TRIM31: variants seen among roughly 807,000 people sequenced by gnomAD.
TRIM31 encodes E3 ubiquitin-protein ligase TRIM31.
TRIM31 carries 31 observed loss-of-function variants against 40.6 expected under a neutral mutation model. The ratio of observed to expected loss-of-function variants is 0.76; its 90% CI spans 0.57 to 1.03. The LOEUF is 1.03. Among genes scored for constraint, TRIM31 ranks in the 50% least tolerant of loss-of-function variants. The pLI is 0.00. For synonymous variants in TRIM31, 164 were observed against 193.9 expected (o/e 0.85, Z 1.28); for missense variants, 455 against 497.5 (o/e 0.91, Z 0.81).
chr6:30,109,807 C>T (rs10947053), intron 4 of TRIM31, among the ~76,000 whole-genome samples: 44,133 of 151,694 alleles, frequency 0.29, 6,613 homozygotes, highest in Admixed American at 0.32. Flanking sequence ...AGTTGTAGTG[C>T]GCCAAAATCG....
Position 30,113,005 on chromosome 6 carries a change from C to T in TRIM31, c.-84+59G>A, listed in dbSNP as rs568839984. Reference sequence around the variant, plus strand: ...AAAAAATAAAGAAATGATAGAAAAGCGTAAAATTTAGGATCTAGAAAATAT... The same window carrying T: ...AAAAAATAAAGAAATGATAGAAAAGTGTAAAATTTAGGATCTAGAAAATAT... On this transcript the variant is annotated intron_variant, in intron 1 of 8. Coordinates refer to ENST00000376734, the MANE Select transcript of TRIM31 (RefSeq NM_007028.5). 2.3e-5 allele frequency: 12 copies of T among 531,486 alleles called. No homozygotes were observed. In the East Asian group the frequency reaches 2.8e-4, roughly 12 times the overall value. The allele number at this position is 531,486 out of a possible 1,614,324, so 32.9% of individuals were successfully genotyped here.
intron 6 of TRIM31, among the ~76,000 whole-genome samples, chr6:30,106,359 A>G (rs1186980680): frequency 2.0e-5 from 3 of 152,144 alleles, no homozygotes; most frequent in Non-Finnish European, 4.4e-5. Context: ...ACTGCCTGGG[A>G]GCACTTCACC....
intron 5 of TRIM31, 101 bp downstream of exon 5, chr6:30,108,925 G>A: frequency 8.0e-7 from 1 of 1,247,670 alleles, no homozygotes; most frequent in Non-Finnish European, 1.2e-6. Context: ...GAGGTGGGTG[G>A]GTATTTCTGA....
At chr6:30,108,901 T>C (rs531710512) in intron 5 of TRIM31, 125 bp downstream of exon 5, 130 of 1,037,782 alleles carry the variant, frequency 1.3e-4, no homozygotes, top group Middle Eastern at 2.0e-4. Context: ...CCTAAATGTA[T>C]GAATGCAGAG....
chr6:30,108,238 A>T (rs1222805634), intron 5 of TRIM31, 70 bp from the exon 6 acceptor site: 2 of 1,172,486 alleles, frequency 1.7e-6, no homozygotes, highest in Admixed American at 1.8e-5. Context: ...GATCTGAGAT[A>T]CGCGGTTGAG....
chr6:30,104,251 T>C, intron 7 of TRIM31, 84 bp from the exon 8 acceptor site: 1 of 1,375,132 alleles, frequency 7.3e-7, no homozygotes, highest in Non-Finnish European at 1.0e-6. Context: ...CCTGCCATCA[T>C]CAATCAGAAC....
At chr6:30,106,067 A>C (rs2127382637) in intron 6 of TRIM31, among the ~76,000 whole-genome samples, 1 of 152,326 alleles carries the variant, frequency 6.6e-6, no homozygotes, top group South Asian at 2.1e-4. Context: ...ATGAGCCCAG[A>C]AGCTGGGGAC....
At chr6:30,109,951 T>C (rs1004772331) in intron 4 of TRIM31, among the ~76,000 whole-genome samples, 1 of 146,890 alleles carries the variant, frequency 6.8e-6, no homozygotes, top group African/African-American at 2.5e-5. Context: ...TATTTTACTT[T>C]AACAATTGAC....
At chr6:30,108,579 A>G (rs1285345808) in intron 5 of TRIM31, among the ~76,000 whole-genome samples, 20 of 124,594 alleles carry the variant, frequency 1.6e-4, no homozygotes, top group Non-Finnish European at 2.5e-4. Context: ...AAAAAAAAAA[A>G]AAAAAGAAGA....
rs17194265 is a variant in TRIM31, at chr6:30,103,770, C to T, written c.1044G>A (p.Gly348=). Residue 348 remains glycine, a synonymous_variant, in exon 9 of 9, where the codon GGG becomes GGA. Transcript: ENST00000376734. Reference sequence around the variant, plus strand: ...GGGCTGAAGAGTGGTGATTTGGTGGCCCCGATGTAGTTCTGCCGCCTTTGC... The same window carrying T: ...GGGCTGAAGAGTGGTGATTTGGTGGTCCCGATGTAGTTCTGCCGCCTTTGC... The part of the protein sequence containing the change: ...SSSAGGRTTS[G]PPNHHSSAPS... The T allele has an allele frequency of 3.1e-3, 5,020 of 1,612,906 alleles. 132 individuals carry two copies. The African/African-American group carries it at 0.057, about 18-fold the overall frequency.
intron 5 of TRIM31, 38 bp from the exon 6 acceptor site, chr6:30,108,206 G>A (rs1768914678): frequency 1.4e-6 from 2 of 1,454,568 alleles, no homozygotes. Flanking sequence ...TGAGATCAGG[G>A]GATGAGGTGT....
intron 2 of TRIM31, chr6:30,112,018 A>T: frequency 1.8e-6 from 1 of 565,550 alleles, no homozygotes; most frequent in Non-Finnish European, 3.1e-6. Flanking sequence ...ACTTCCCTTC[A>T]TCTGTCCTAC....
intron 6 of TRIM31, among the ~76,000 whole-genome samples, chr6:30,106,964 G>A (rs116689914): frequency 0.067 from 10,240 of 152,226 alleles, 436 homozygotes; most frequent in Middle Eastern, 0.13. Context: ...GCTGGGCATG[G>A]TGGTGTGCGC....
rs1223992968 is a variant in TRIM31, at chr6:30,104,020, A to G, written c.1024+82T>C. 1.2e-5 allele frequency: 17 copies of G among 1,455,360 alleles called. No individual in the cohort carries two copies. The East Asian group carries it at 3.9e-4, about 33-fold the overall frequency. 90.2% of individuals were successfully genotyped at this position (1,455,360 alleles called of 1,614,324 possible). ...ATTCATTCATTTATTCATTTATTCC[A>G]TTTAGTGGAATTGGGTGGATACAGC... On this transcript the variant is annotated intron_variant, in intron 8 of 8. Coordinates refer to ENST00000376734, the MANE Select transcript of TRIM31 (RefSeq NM_007028.5).
At chr6:30,111,372 G>A (rs1398629920) in intron 3 of TRIM31, 1 of 458,056 alleles carries the variant, frequency 2.2e-6, no homozygotes, top group Non-Finnish European at 3.9e-6. Flanking sequence ...CGTTGAGGGC[G>A]CAGCTCGGCC....
chr6:30,108,418 G>A (rs1313055516), intron 5 of TRIM31, among the ~76,000 whole-genome samples: 19 of 152,020 alleles, frequency 1.2e-4, no homozygotes, highest in Non-Finnish European at 1.5e-5. Flanking sequence ...AATTAGCCAG[G>A]CTTGGTGGCA....
chr6:30,103,907 A>G, intron 8 of TRIM31, 118 bp from the exon 9 acceptor site: 1 of 1,498,366 alleles, frequency 6.7e-7, no homozygotes, highest in Non-Finnish European at 9.1e-7. Flanking sequence ...GGTGAAACTC[A>G]AGAAAGTACA....
rs546987778 is a variant in TRIM31 at position 30,112,532 on chromosome 6, C to T, written c.274G>A (p.Glu92Lys). ...TCCTGGTGCCTCGGGCATGTAGCCT[C>T]TTTCCTTTTGGACTGCACCTCAGAG... is the stretch of plus-strand genomic sequence containing the variant. ...QASEVQSKRK[E>K]ATCPRHQEMF... The change falls in exon 2 of 9, where the codon GAG (glutamate) becomes AAG (lysine). Residue 92 changes from glutamate (E) to lysine (K), a missense_variant. Glu to Lys is a moderately conservative substitution (Grantham distance 56, BLOSUM62 1). Transcript: ENST00000376734. 1.9e-6 allele frequency: 3 copies of T among 1,613,148 alleles called. No homozygotes were observed. The highest frequency in any genetic ancestry group is 3.3e-5 in the Admixed American group (2 of 60,032).
In TRIM31 at chr6:30,104,123, C is replaced by A. The variant is rs760813066; in HGVS notation, c.1003G>T (p.Glu335Ter). Residue 335 changes from glutamate to a stop codon, truncating the protein, a stop_gained, in exon 8 of 9, where the codon GAG (glutamate) becomes TAG (stop). Coordinates refer to ENST00000376734, the MANE Select transcript of TRIM31 (RefSeq NM_007028.5). LOFTEE classifies it low-confidence loss of function (END_TRUNC). ...TTACCTGCAGAAGATGACCCGGGCT[C>A]TGAGGTTTTGTTCATTTTATGATTA... ...KNNHKMNKTS[E>*]PGSSSAGGRT... The A allele has an allele frequency of 6.2e-7, 1 of 1,613,046 alleles. No individual in the cohort carries two copies. The highest frequency in any genetic ancestry group is 8.5e-7 in the Non-Finnish European group (1 of 1,180,034).
Sources: gnomAD v4.1 joint callset for allele counts (sites outside exome capture counted in the v4.1 genomes callset) on GRCh38, gnomAD v4.1.1 for gene constraint, MANE v1.5 for transcripts, NCBI Gene and HGNC (gene_info 2026-07-23, HGNC 2026-07-21) for gene names.